SLC26A7: variants seen among roughly 807,000 people sequenced by gnomAD.
SLC26A7 encodes anion exchange transporter.
Under a neutral mutation model 82.5 loss-of-function variants are expected in SLC26A7, and 59 were observed. That is an observed-to-expected ratio of 0.72 (90% CI 0.58 to 0.89). SLC26A7 has a LOEUF of 0.89. Ranked by LOEUF, SLC26A7 falls within the 40% of genes least tolerant of loss-of-function variation. The pLI is 0.00. For missense variants in SLC26A7, 820 were observed against 793.0 expected (o/e 1.03, Z -0.41); for synonymous variants, 271 against 274.3 (o/e 0.99, Z 0.12).
In SLC26A7 at chr8:91,369,762, CTTT is replaced by C; in HGVS notation, c.1627-22_1627-20del. The C allele has an allele frequency of 1.3e-6, 2 of 1,524,598 alleles. No individual in the cohort carries two copies. Among genetic ancestry groups the C allele is most frequent in the South Asian group, 1.3e-5 (1 of 78,328 alleles). The allele number at this position is 1,524,598 out of a possible 1,614,324, so 94.4% of individuals were successfully genotyped here. A position where few individuals can be genotyped will look rare whatever the true frequency, so the allele number is the denominator to read the frequency against. ...AGTAAAATTTTATAACATTTTTCTT[CTTT>C]ATGTTTGTTTTTATTTTAGTGTGAA... is the stretch of plus-strand genomic sequence containing the variant. On this transcript the variant is annotated intron_variant, in intron 14 of 18. Coordinates refer to ENST00000276609, the MANE Select transcript of SLC26A7 (RefSeq NM_052832.4).
At chr8:91,230,952 G>A (rs1386130308) in intron 2 of SLC26A7, among the ~76,000 whole-genome samples, 3 of 152,182 alleles carry the variant, frequency 2.0e-5, no homozygotes, top group Non-Finnish European at 2.9e-5. Flanking sequence ...GATAGATTTA[G>A]AAGACCTTTA....
Position 91,249,548 on chromosome 8 carries a change from T to C in SLC26A7, c.-104T>C, listed in dbSNP as rs988894635. 1 of 922,226 alleles carries C rather than the reference T, an allele frequency of 1.1e-6. No individual in the cohort carries two copies. The highest frequency in any genetic ancestry group is 3.8e-5 in the Admixed American group (1 of 26,584). The allele number at this position is 922,226 out of a possible 1,614,324, so 57.1% of individuals were successfully genotyped here. A position where few individuals can be genotyped will look rare whatever the true frequency, so the allele number is the denominator to read the frequency against. ...CTTATTTTCTGGGCAGCTTTGACAT[T>C]GTAAACCACAGACGAATTGGAGCTT... On this transcript the variant is annotated 5_prime_UTR_variant, in exon 2 of 19. Coordinates refer to ENST00000276609, the MANE Select transcript of SLC26A7 (RefSeq NM_052832.4).
intron 2 of SLC26A7, among the ~76,000 whole-genome samples, chr8:91,262,085 A>AG (rs1375449851): frequency 6.6e-6 from 1 of 152,096 alleles, no homozygotes; most frequent in Non-Finnish European, 1.5e-5. Flanking sequence ...GGTGGTAGAC[A>AG]GAAGAGGTCT....
At chr8:91,262,440 C>G (rs1449636493) in intron 2 of SLC26A7, among the ~76,000 whole-genome samples, 1 of 151,956 alleles carries the variant, frequency 6.6e-6, no homozygotes, top group Non-Finnish European at 1.5e-5. Flanking sequence ...TAATTTTCTA[C>G]CCAGCGTCTG....
intron 2 of SLC26A7, among the ~76,000 whole-genome samples, chr8:91,285,628 G>A (rs1211638566): frequency 6.6e-6 from 1 of 152,120 alleles, no homozygotes; most frequent in African/African-American, 2.4e-5. Context: ...GACATTTCTG[G>A]GGCAGTAAAT....
intron 2 of SLC26A7, among the ~76,000 whole-genome samples, chr8:91,275,048 G>C (rs996684764): frequency 6.6e-6 from 1 of 151,956 alleles, no homozygotes; most frequent in African/African-American, 2.4e-5. Flanking sequence ...CATATATTCC[G>C]TCTCTCTTCC....
intron 2 of SLC26A7, among the ~76,000 whole-genome samples, chr8:91,265,329 A>C (rs963512705): frequency 6.6e-6 from 1 of 151,998 alleles, no homozygotes; most frequent in Non-Finnish European, 1.5e-5. Flanking sequence ...GCTATTGTGG[A>C]TAGTGCTACA....
chr8:91,262,074 A>G (rs1275039572), intron 2 of SLC26A7, among the ~76,000 whole-genome samples: 1 of 151,956 alleles, frequency 6.6e-6, no homozygotes, highest in African/African-American at 2.4e-5. Context: ...CTCTTGGAGG[A>G]GGTGGTAGAC....
chr8:91,340,721 A>G lies in SLC26A7; in HGVS notation c.1026+170A>G, dbSNP rs1442241171. On this transcript the variant is annotated intron_variant, in intron 8 of 18. Coordinates refer to ENST00000276609, the MANE Select transcript of SLC26A7 (RefSeq NM_052832.4). ...CAAAATCATTCATAGGAAGCTAAAA[A>G]CCTGACATTGATTGTTCACAATGCT... 4.1e-6 allele frequency: 3 copies of G among 723,008 alleles called. No individual in the cohort carries two copies. The East Asian group carries it at 8.6e-5, about 21-fold the overall frequency. 44.8% of individuals were successfully genotyped at this position (723,008 alleles called of 1,614,324 possible). A position where few individuals can be genotyped will look rare whatever the true frequency, so the allele number is the denominator to read the frequency against.
chr8:91,395,128 T>C lies in SLC26A7; in HGVS notation c.*31T>C. ...TTTTGTCACAGTACAGCTCTTGTCT[T>C]TACCAACTGCCTGAAGAGGCCATAT... is the stretch of plus-strand genomic sequence containing the variant. On this transcript the variant is annotated 3_prime_UTR_variant, in exon 19 of 19. Transcript: ENST00000276609. 1 of 1,612,496 alleles carries C rather than the reference T, an allele frequency of 6.2e-7. No homozygotes were observed. Among genetic ancestry groups the C allele is most frequent in the Non-Finnish European group, 8.5e-7 (1 of 1,179,074 alleles).
intron 4 of SLC26A7, among the ~76,000 whole-genome samples, chr8:91,301,901 T>C (rs1812177391): frequency 6.6e-6 from 1 of 152,058 alleles, no homozygotes; most frequent in African/African-American, 2.4e-5. Context: ...TATACTGTGT[T>C]TTGCTTCAAT....
At chr8:91,295,484 T>C (rs1416083510) in intron 3 of SLC26A7, 47 bp from the exon 4 acceptor site, 3 of 1,573,642 alleles carry the variant, frequency 1.9e-6, no homozygotes, top group Admixed American at 3.7e-5. Context: ...TATTGAGCCT[T>C]TAAATCAAAT....
In SLC26A7 at chr8:91,223,813, A is replaced by G. The variant is rs568141191; in HGVS notation, c.-34+4808A>G. Among the ~76,000 whole-genome samples the G allele has an allele frequency of 3.2e-4, 49 of 152,136 alleles. 1 individual carries two copies. In the South Asian group the frequency reaches 4.6e-3, roughly 14 times the overall value. On this transcript the variant is annotated intron_variant, in intron 2 of 5. Coordinates refer to the SLC26A7 transcript ENST00000522862. ...CTCCCTGTCTCCTTCTGGTACTCCA[A>G]TCAATCGTAGGTTCGGTCTTTTAAA...
intron 4 of SLC26A7, among the ~76,000 whole-genome samples, chr8:91,312,731 C>T (rs547071994): frequency 2.0e-4 from 31 of 151,784 alleles, no homozygotes; most frequent in South Asian, 1.0e-3. Flanking sequence ...TTTTGATTTG[C>T]ATTTTCTTAA....
intron 11 of SLC26A7, among the ~76,000 whole-genome samples, chr8:91,354,090 A>G (rs567030094): frequency 1.3e-5 from 2 of 152,260 alleles, no homozygotes; most frequent in African/African-American, 4.8e-5. Flanking sequence ...CAAAAGGCCA[A>G]AATTAACCAT....
At chr8:91,246,751 A>G (rs28539271), upstream of SLC26A7, among the ~76,000 whole-genome samples, 1 of 151,892 alleles carries the variant, frequency 6.6e-6, no homozygotes, top group South Asian at 2.1e-4. Context: ...CATCATGAGT[A>G]TAATTACCTG....
At chr8:91,309,497 T>C (rs545544875) in intron 4 of SLC26A7, among the ~76,000 whole-genome samples, 7 of 151,554 alleles carry the variant, frequency 4.6e-5, no homozygotes, top group Admixed American at 2.6e-4. Context: ...ATATATAATA[T>C]ATAATAATAT....
intron 9 of SLC26A7, chr8:91,348,402 A>G: frequency 3.1e-6 from 3 of 973,126 alleles, no homozygotes; most frequent in Non-Finnish European, 3.7e-6. Context: ...ATATCTAGGT[A>G]TGGATAATAA....
At chr8:91,336,835 A>G (rs895929200) in intron 6 of SLC26A7, among the ~76,000 whole-genome samples, 3 of 151,976 alleles carry the variant, frequency 2.0e-5, no homozygotes, top group African/African-American at 7.2e-5. Flanking sequence ...GCATACTTCC[A>G]TTTTCAATAA....
Sources: gnomAD v4.1 joint callset for allele counts (sites outside exome capture counted in the v4.1 genomes callset) on GRCh38, gnomAD v4.1.1 for gene constraint, MANE v1.5 for transcripts, NCBI Gene and HGNC (gene_info 2026-07-23, HGNC 2026-07-21) for gene names.